The following AOX1 variants were observed in gnomAD, a reference collection of about 807,000 sequenced individuals.
AOX1 encodes aldehyde oxidase.
In AOX1, 153 loss-of-function variants were observed where a neutral mutation model predicts 169.5. The ratio of observed to expected loss-of-function variants is 0.90; its 90% confidence interval spans 0.79 to 1.03. The LOEUF is 1.03. Among genes scored for constraint, AOX1 ranks in the 50% least tolerant of loss-of-function variants. The pLI is 0.00. For synonymous variants in AOX1, 562 were observed against 581.9 expected, an observed-to-expected ratio of 0.97 and a Z score of 0.49; for missense variants, 1,656 against 1,663.9, an observed-to-expected ratio of 1.00 and a Z score of 0.08.
intron 28 of AOX1, 122 bp from the exon 29 acceptor site, chr2:200,659,873 G>T (rs1383351823): frequency 6.2e-5 from 43 of 698,714 alleles, no homozygotes; most frequent in Admixed American, 7.8e-5. Flanking sequence ...ATACAGGGTT[G>T]GTGTCTTATT....
Position 200,669,594 on chromosome 2 carries a change from TG to T in AOX1, c.3819del (p.Phe1274SerfsTer14). 6.2e-7 allele frequency: 1 copy of T among 1,612,972 alleles called. No homozygotes were observed. On this transcript the variant is annotated frameshift_variant, in exon 34 of 35. Transcript: ENST00000374700. LOFTEE classifies it high-confidence loss of function. ...TTCAAGGGTCTGGGAGAGTCGGGGG[TG>T]TTCCTGGGGTGTTCCGTGTTTTTCG... ...YSSKGLGESG[V>X]FLGCSVFFAI...
intron 16 of AOX1, among the ~76,000 whole-genome samples, chr2:200,616,506 C>T (rs2034761759): frequency 6.6e-6 from 1 of 152,224 alleles, no homozygotes; most frequent in Admixed American, 6.5e-5. Context: ...AAAAGAACTG[C>T]TGATTTGTTT....
chr2:200,586,657 C>T (rs2034040542), intron 1 of AOX1, among the ~76,000 whole-genome samples: 1 of 152,202 alleles, frequency 6.6e-6, no homozygotes, highest in South Asian at 2.1e-4. Context: ...TCAAACCACC[C>T]CCATCGTTTC....
intron 26 of AOX1, 60 bp downstream of exon 26, chr2:200,651,261 G>GA: frequency 6.8e-7 from 1 of 1,479,770 alleles, no homozygotes; most frequent in Non-Finnish European, 9.4e-7. Context: ...AAAGCAAGAG[G>GA]TGTTGAGGAA....
intron 27 of AOX1, among the ~76,000 whole-genome samples, chr2:200,657,190 A>ATATATTTTTT: frequency 2.9e-4 from 18 of 62,874 alleles, no homozygotes; most frequent in African/African-American, 7.1e-4. Context: ...ATATATATAT[A>ATATATTTTTT]TTTTTTTTTT....
chr2:200,625,363 C>T (rs1263666842), intron 19 of AOX1, among the ~76,000 whole-genome samples: 1 of 152,158 alleles, frequency 6.6e-6, no homozygotes, highest in East Asian at 1.9e-4. Context: ...AATATCTACT[C>T]TCCACTCCCC....
intron 12 of AOX1, among the ~76,000 whole-genome samples, 156 bp from the exon 13 acceptor site, chr2:200,611,228 G>A (rs1015348614): frequency 2.6e-5 from 4 of 152,196 alleles, no homozygotes; most frequent in African/African-American, 4.8e-5. Flanking sequence ...ATTGCAAGAC[G>A]CATTATAGGG....
At chr2:200,588,676 G>A (rs1054896416) in intron 1 of AOX1, among the ~76,000 whole-genome samples, 6 of 143,708 alleles carry the variant, frequency 4.2e-5, no homozygotes, top group Admixed American at 2.2e-4. Flanking sequence ...TGTGTGCTTC[G>A]GTACTTAATA....
chr2:200,619,686 C>T (rs1394348266), intron 16 of AOX1, among the ~76,000 whole-genome samples: 1 of 152,056 alleles, frequency 6.6e-6, no homozygotes, highest in Non-Finnish European at 1.5e-5. Flanking sequence ...TTTACAGAGC[C>T]AACAGCAAGA....
chr2:200,615,189 G>A (rs1277069436), intron 15 of AOX1, among the ~76,000 whole-genome samples: 1 of 151,936 alleles, frequency 6.6e-6, no homozygotes, highest in African/African-American at 2.4e-5. Flanking sequence ...TATTTTTTTG[G>A]AGAGACAGAG....
rs549332429 is a variant in AOX1 at position 200,652,474 on chromosome 2, C to T, written c.3075+1273C>T. Among the ~76,000 whole-genome samples the T allele has an allele frequency of 3.3e-5, 5 of 152,254 alleles. No homozygotes were observed. In the South Asian group the frequency reaches 1.0e-3, roughly 32 times the overall value. On this transcript the variant is annotated intron_variant, in intron 26 of 34. Coordinates refer to ENST00000374700, the MANE Select transcript of AOX1 (RefSeq NM_001159.4). Reference sequence around the variant, plus strand: ...TACAAAAGAAGAGAGAAAGAAACTACCACTGGGAAAAGGGTTTGTAAGCAT... The same window carrying T: ...TACAAAAGAAGAGAGAAAGAAACTATCACTGGGAAAAGGGTTTGTAAGCAT...
At chr2:200,641,255 GC>G in intron 24 of AOX1, 71 bp downstream of exon 24, 3 of 1,050,566 alleles carry the variant, frequency 2.9e-6, no homozygotes, top group Non-Finnish European at 4.4e-6. Context: ...CTTAGAAAAT[GC>G]CCAATAGTTA....
In AOX1 at chr2:200,593,220, T is replaced by C. The variant is rs145888852; in HGVS notation, c.103+17T>C. The C allele has an allele frequency of 7.6e-4, 1,225 of 1,604,430 alleles. 9 individuals are homozygous for C. In the African/African-American group the frequency reaches 0.015, roughly 19 times the overall value. On this transcript the variant is annotated intron_variant, in intron 2 of 34. Transcript: ENST00000374700. ...GGAAGAAGCGTATCCTTTTCTTTACTTTGACTGTGTATGTGTGTGTGTATT... is the reference window on the plus strand; with the variant it reads ...GGAAGAAGCGTATCCTTTTCTTTACCTTGACTGTGTATGTGTGTGTGTATT...
At chr2:200,670,320 C>A (rs778102942) in intron 34 of AOX1, among the ~76,000 whole-genome samples, 1 of 152,206 alleles carries the variant, frequency 6.6e-6, no homozygotes, top group African/African-American at 2.4e-5. Flanking sequence ...TCCCATCCTC[C>A]ACTCACACTG....
At chr2:200,615,532 G>C (rs2034736697) in intron 15 of AOX1, among the ~76,000 whole-genome samples, 1 of 152,204 alleles carries the variant, frequency 6.6e-6, no homozygotes, top group African/African-American at 2.4e-5. Flanking sequence ...TTTCTACACA[G>C]CTGGCAGGCA....
chr2:200,595,275 G>T lies in AOX1; in HGVS notation c.107G>T (p.Arg36Leu). The T allele has an allele frequency of 1.2e-6, 2 of 1,611,936 alleles. No homozygotes were observed. The highest frequency in any genetic ancestry group is 2.2e-5 in the South Asian group (2 of 90,848). The change falls in exon 3 of 35, where the codon CGA (arginine) becomes CTA (leucine). Residue 36 changes from arginine to leucine, a missense_variant. Transcript: ENST00000374700. ...TCTTTAACTATACCTCTTCCAGTTC[G>T]ACTCACAGGAACTAAGTATGGCTGT... is the stretch of plus-strand genomic sequence containing the variant. ...MLLPYLRKKL[R>L]LTGTKYGCGG...
Position 200,620,740 on chromosome 2 carries a change from T to C in AOX1, c.1795T>C (p.Tyr599His), listed in dbSNP as rs1302614364. The part of the protein sequence containing the change: ...GVKHATGEAI[Y>H]CDDMPLVDQE... ...GAAGCATGCCACGGGGGAGGCCATC[T>C]ACTGTGATGACATGCCTCTGGTGGA... Residue 599 changes from tyrosine to histidine, a missense_variant, in exon 17 of 35, where the codon TAC becomes CAC. Tyr to His is a moderately conservative substitution (Grantham distance 83). Transcript: ENST00000374700. The C allele has an allele frequency of 6.2e-7, 1 of 1,607,780 alleles. No individual in the cohort carries two copies. Among genetic ancestry groups the C allele is most frequent in the East Asian group, 2.2e-5 (1 of 44,522 alleles).
rs566683850 is a variant in AOX1 at position 200,651,121 on chromosome 2, G to T, written c.2995G>T (p.Glu999Ter). 2.2e-5 allele frequency: 35 copies of T among 1,614,188 alleles called. No individual in the cohort carries two copies. The South Asian group carries it at 3.4e-4, about 16-fold the overall frequency. Residue 999 changes from glutamate (E) to a stop codon, truncating the protein, a stop_gained, in exon 26 of 35, where the codon GAG becomes TAG. Coordinates refer to ENST00000374700, the MANE Select transcript of AOX1 (RefSeq NM_001159.4). LOFTEE classifies it high-confidence loss of function. ...AGTTGCTGTGGAAAAGTTCAATGCA[G>T]AGAATTATTGGAAGAAGAAAGGACT... ...RKVAVEKFNA[E>*]NYWKKKGLAM...
intron 1 of AOX1, among the ~76,000 whole-genome samples, chr2:200,590,581 C>A (rs1296709071): frequency 6.6e-6 from 1 of 152,144 alleles, no homozygotes; most frequent in African/African-American, 2.4e-5. Flanking sequence ...ACAACAACAA[C>A]AACAACAAAA....
Sources: gnomAD v4.1 joint callset for allele counts (sites outside exome capture counted in the v4.1 genomes callset) on GRCh38, gnomAD v4.1.1 for gene constraint, MANE v1.5 for transcripts, NCBI Gene and HGNC (gene_info 2026-07-23, HGNC 2026-07-21) for gene names.